The following CDH23 variants were observed in gnomAD, a reference collection of about 807,000 sequenced individuals.
The protein encoded by CDH23 is cadherin related 23, also known as cadherin-23.
CDH23 carries 189 observed loss-of-function variants against 317.1 expected under a neutral mutation model. The ratio of observed to expected loss-of-function variants is 0.60; its 90% CI spans 0.53 to 0.67. The LOEUF (loss-of-function observed/expected upper bound fraction) is 0.67. CDH23 is among the 30% of genes least tolerant of loss of function. The probability of loss-of-function intolerance (pLI) is 0.00; values close to 1 mark genes in which losing one functional copy is unlikely to be tolerated. For missense variants in CDH23, 4,401 were observed against 4,592.4 expected, an observed-to-expected ratio of 0.96 and a Z score of 1.20; for synonymous variants, 1,839 against 1,876.8, an observed-to-expected ratio of 0.98 and a Z score of 0.52.
In CDH23 at chr10:71,403,322, CCTTCCTTTCTTT is replaced by C. The variant is rs1243004907; in HGVS notation, c.-6+6008_-6+6019del. 8.6e-3 allele frequency among the ~76,000 whole-genome samples: 793 copies of C among 92,286 alleles called. 18 individuals carry two copies. Among genetic ancestry groups the C allele is most frequent in the Middle Eastern group, 0.015 (3 of 206 alleles). 60.5% of individuals were successfully genotyped at this position (92,286 alleles called of 152,430 possible). On this transcript the variant is annotated intron_variant, in intron 1 of 69. Transcript: ENST00000224721. ...TGCTTTCTCTTTCTCTTTCTTCCTT[CCTTCCTTTCTTT>C]CTTTCTTTCTTTCTTTCTTTCTTTC...
chr10:71,437,506 C>T (rs984577372), intron 1 of CDH23, among the ~76,000 whole-genome samples: 9 of 152,148 alleles, frequency 5.9e-5, no homozygotes, highest in African/African-American at 1.2e-4. Context: ...TCTTGATGTG[C>T]GAAAAGCAAG....
chr10:71,702,836 G>A (rs1317224453), intron 24 of CDH23, 142 bp downstream of exon 24: 1 of 925,978 alleles, frequency 1.1e-6, no homozygotes, highest in Non-Finnish European at 1.7e-6. Flanking sequence ...AGATGTGGAG[G>A]GAAGTGTGGC....
intron 14 of CDH23, chr10:71,647,228 C>G: frequency 2.8e-6 from 1 of 352,558 alleles, no homozygotes. Flanking sequence ...TTGAGAAAGC[C>G]GAGGTGGGCG....
chr10:71,620,566 G>GC (rs1406289015), intron 11 of CDH23, among the ~76,000 whole-genome samples: 1 of 152,056 alleles, frequency 6.6e-6, no homozygotes, highest in East Asian at 1.9e-4. Flanking sequence ...TCTAGTGACC[G>GC]CCCCCCACCC....
intron 11 of CDH23, among the ~76,000 whole-genome samples, chr10:71,618,502 G>A (rs1471614759): frequency 1.3e-5 from 2 of 152,180 alleles, no homozygotes; most frequent in South Asian, 2.1e-4. Flanking sequence ...CATGCTAATA[G>A]GACTTCTATT....
At chr10:71,590,036 C>A (rs1589240847) in intron 9 of CDH23, among the ~76,000 whole-genome samples, 2 of 152,272 alleles carry the variant, frequency 1.3e-5, no homozygotes, top group African/African-American at 2.4e-5. Flanking sequence ...GGCTGTAAGC[C>A]CATTTTTCTC....
At chr10:71,425,961 G>A (rs1311814862) in intron 1 of CDH23, among the ~76,000 whole-genome samples, 1 of 152,212 alleles carries the variant, frequency 6.6e-6, no homozygotes, top group Non-Finnish European at 1.5e-5. Context: ...AGGGATGAGA[G>A]CAGAGAAAGC....
At chr10:71,764,687 A>C (rs1840487088) in intron 38 of CDH23, among the ~76,000 whole-genome samples, 2 of 151,946 alleles carry the variant, frequency 1.3e-5, no homozygotes, top group South Asian at 4.2e-4. Context: ...TAATAATTCC[A>C]CCTGGCCTGC....
intron 10 of CDH23, among the ~76,000 whole-genome samples, chr10:71,616,391 G>T (rs1046269649): frequency 6.6e-6 from 1 of 152,186 alleles, no homozygotes; most frequent in Non-Finnish European, 1.5e-5. Flanking sequence ...TGCTGTTCAG[G>T]TGTGGGTTAG....
chr10:71,443,149 C>T (rs1849979810), intron 2 of CDH23, among the ~76,000 whole-genome samples: 1 of 152,186 alleles, frequency 6.6e-6, no homozygotes, highest in Admixed American at 6.5e-5. Flanking sequence ...ACCTTCAGCC[C>T]CCACCACCGC....
intron 6 of CDH23, among the ~76,000 whole-genome samples, chr10:71,556,755 T>C (rs182427100): frequency 6.6e-6 from 1 of 152,356 alleles, no homozygotes; most frequent in Non-Finnish European, 1.5e-5. Context: ...CCCTGATTCA[T>C]TCTTTACCAC....
chr10:71,759,954 T>TATAC (rs1840279520), intron 38 of CDH23, among the ~76,000 whole-genome samples: 1 of 62,466 alleles, frequency 1.6e-5, no homozygotes, highest in Non-Finnish European at 4.1e-5. Flanking sequence ...CACATATATA[T>TATAC]ACACACACAT....
At chr10:71,580,153 A>G (rs1229174108) in intron 9 of CDH23, among the ~76,000 whole-genome samples, 1 of 152,208 alleles carries the variant, frequency 6.6e-6, no homozygotes, top group Non-Finnish European at 1.5e-5. Flanking sequence ...CAGTCTTCAA[A>G]GATGGCTCCA....
In CDH23 at chr10:71,806,271, T is replaced by C. The variant is rs1841718292; in HGVS notation, c.8168T>C (p.Val2723Ala). 1 of 1,557,346 alleles carries C rather than the reference T, an allele frequency of 6.4e-7. No homozygotes were observed. Among genetic ancestry groups the C allele is most frequent in the East Asian group, 2.4e-5 (1 of 41,574 alleles). The change falls in exon 57 of 70, where the codon GTG becomes GCG. Residue 2723 changes from valine to alanine, a missense_variant. Physicochemically the swap from Val to Ala is moderately conservative, Grantham distance 64. Around this residue, in one of 3 missense-constraint regions of CDH23, gnomAD observed 1,144 missense variants for 1,138.2 expected, o/e 1.01. Coordinates refer to ENST00000224721, the MANE Select transcript of CDH23 (RefSeq NM_022124.6). ...ATCGATGACAACGAACCCCTTTTCG[T>C]GAGGCCTCCAGTGAGCTTGCCCACC... ...EDIDDNEPLF[V>A]RPPKGSPQYQ...
rs371416681 is a variant in CDH23, at chr10:71,799,551, T to C, written c.7284T>C (p.Asp2428=). Reference sequence around the variant, plus strand: ...TCATCCTGACAGTCACTGCCACTGATGCTGACTCAGGCAACTTTGCACTCA... The same window carrying C: ...TCATCCTGACAGTCACTGCCACTGACGCTGACTCAGGCAACTTTGCACTCA... ...GTIILTVTAT[D]ADSGNFALIE... is the part of the protein sequence containing the mutation. Residue 2428 remains aspartate, a synonymous_variant, in exon 52 of 70, where the codon GAT becomes GAC. Coordinates refer to ENST00000224721, the MANE Select transcript of CDH23 (RefSeq NM_022124.6). The C allele has an allele frequency of 1.2e-6, 2 of 1,613,946 alleles. No individual in the cohort carries two copies. The highest frequency in any genetic ancestry group is 1.3e-5 in the African/African-American group (1 of 74,938).
intron 44 of CDH23, among the ~76,000 whole-genome samples, chr10:71,787,439 A>G (rs1279626032): frequency 1.3e-5 from 2 of 151,150 alleles, no homozygotes; most frequent in East Asian, 1.9e-4. Context: ...ACCCAAAACT[A>G]CCTATTATGT....
chr10:71,760,486 T>C (rs1840350091), intron 38 of CDH23: 1 of 172,950 alleles, frequency 5.8e-6, no homozygotes, highest in Admixed American at 5.9e-5. Context: ...AACACAGAAA[T>C]CTGAAGTAGT....
intron 38 of CDH23, among the ~76,000 whole-genome samples, chr10:71,775,357 G>A (rs1243157019): frequency 6.6e-6 from 1 of 152,064 alleles, no homozygotes; most frequent in East Asian, 1.9e-4. Flanking sequence ...AGCCGGGGAG[G>A]GCCTGGAATT....
intron 10 of CDH23, among the ~76,000 whole-genome samples, chr10:71,616,433 T>C (rs566561089): frequency 6.6e-6 from 1 of 152,278 alleles, no homozygotes; most frequent in East Asian, 1.9e-4. Context: ...CCACCATCCT[T>C]CCCTCCTGTC....
Sources: gnomAD v4.1 joint callset for allele counts (sites outside exome capture counted in the v4.1 genomes callset) on GRCh38, gnomAD v4.1.1 for gene constraint, gnomAD v4.1.1 regional missense constraint, MANE v1.5 for transcripts, NCBI Gene and HGNC (gene_info 2026-07-23, HGNC 2026-07-21) for gene names.